Variants in EXD3 observed in about 807,000 individuals in gnomAD.
EXD3 encodes exonuclease 3'-5' domain containing 3, also known as exonuclease mut-7 homolog.
A neutral mutation model predicts 98.0 loss-of-function variants in EXD3; 92 were observed. The ratio of observed to expected loss-of-function variants is 0.94; its 90% confidence interval spans 0.79 to 1.12. EXD3 has a LOEUF of 1.12. Ranked by LOEUF, EXD3 falls within the 50% of genes most tolerant of loss-of-function variation. EXD3 has a pLI of 0.00. For synonymous variants in EXD3, 569 were observed against 526.0 expected (o/e 1.08, Z -1.12); for missense variants, 1,222 against 1,191.6 (o/e 1.03, Z -0.38).
rs533846340 is a variant in EXD3 at position 137,360,004 on chromosome 9, T to C, written c.657-3636A>G. 2.3e-5 allele frequency among the ~76,000 whole-genome samples: 2 copies of C among 87,294 alleles called. 1 individual carries two copies. Among genetic ancestry groups the C allele is most frequent in the Non-Finnish European group, 5.7e-5 (2 of 35,356 alleles). 57.3% of individuals were successfully genotyped at this position (87,294 alleles called of 152,430 possible). A position where few individuals can be genotyped will look rare whatever the true frequency, so the allele number is the denominator to read the frequency against. On this transcript the variant is annotated intron_variant, in intron 7 of 21. Transcript: ENST00000340951. ...TAATTTTCTGAAGTGTCTGCACCAG[T>C]GCACATCCCACCAGCAGTGCGTGAG...
At chr9:137,334,441 C>T (rs1833252580) in intron 17 of EXD3, among the ~76,000 whole-genome samples, 1 of 152,142 alleles carries the variant, frequency 6.6e-6, no homozygotes, top group Non-Finnish European at 1.5e-5. Context: ...TACTTACAAT[C>T]AACGGATCTT....
rs983053786 is a variant in EXD3 at position 137,361,406 on chromosome 9, T to C, written c.657-5038A>G. On this transcript the variant is annotated intron_variant, in intron 7 of 21. Coordinates refer to ENST00000340951, the MANE Select transcript of EXD3 (RefSeq NM_017820.5). The stretch of plus-strand genomic sequence containing the variant: ...ACCCAGAGTTTTAAAAGCTTCCTAA[T>C]TGGCGGGGCATTGACTATAGTTCTA... Among the ~76,000 whole-genome samples, 2 of 85,826 alleles carry C rather than the reference T, an allele frequency of 2.3e-5. 1 individual carries two copies. The highest frequency in any genetic ancestry group is 5.7e-5 in the Non-Finnish European group (2 of 34,932). The allele number at this position is 85,826 out of a possible 152,430, so 56.3% of individuals were successfully genotyped here.
At chr9:137,357,893 G>A (rs545293352) in intron 7 of EXD3, among the ~76,000 whole-genome samples, 51 of 152,066 alleles carry the variant, frequency 3.4e-4, no homozygotes, top group African/African-American at 9.6e-4. Flanking sequence ...GGCAGGAGAC[G>A]TCCAGCATGG....
chr9:137,403,773 C>T lies in EXD3; in HGVS notation c.-47-8369G>A, dbSNP rs548055082. Among the ~76,000 whole-genome samples, 2 of 152,290 alleles carry T rather than the reference C, an allele frequency of 1.3e-5. No homozygotes were observed. The highest frequency in any genetic ancestry group is 3.9e-4 in the East Asian group (2 of 5,176). ...AAGGGCTCCAGAAAGTGGTCGCTGC[C>T]CTTCTCAGAAGGCCCTCTCCACCAT... On this transcript the variant is annotated intron_variant, in intron 1 of 21. Coordinates refer to ENST00000340951, the MANE Select transcript of EXD3 (RefSeq NM_017820.5). This position sits in a 1 kb window ranked among gnomAD's most constrained non-coding sequence, Gnocchi z 6.1.
At chr9:137,315,576 A>C (rs966347743) in intron 19 of EXD3, among the ~76,000 whole-genome samples, 1 of 152,040 alleles carries the variant, frequency 6.6e-6, no homozygotes, top group Admixed American at 6.5e-5. Context: ...AGGCCCCGGC[A>C]CCGGGTCTCC....
In EXD3 at chr9:137,364,557, G is replaced by A. The variant is rs573849929; in HGVS notation, c.656+1936C>T. On this transcript the variant is annotated intron_variant, in intron 7 of 21. Transcript: ENST00000340951. ...GAATCACTTGAACCCGGGAGGTGAA[G>A]GTTGCAGTGAGCCTAGATTGCGCCA... Among the ~76,000 whole-genome samples the A allele has an allele frequency of 4.2e-3, 645 of 151,828 alleles. 12 individuals are homozygous for A. The highest frequency in any genetic ancestry group is 0.015 in the African/African-American group (618 of 41,356).
At chr9:137,390,789 T>TGGGCCTGGGCAGGCGCC (rs1314973013) in intron 2 of EXD3, among the ~76,000 whole-genome samples, 2 of 152,098 alleles carry the variant, frequency 1.3e-5, no homozygotes, top group Non-Finnish European at 2.9e-5. Flanking sequence ...CACTGCCAGC[T>TGGGCCTGGGCAGGCGCC]GGGCCTGGGC....
intron 17 of EXD3, among the ~76,000 whole-genome samples, chr9:137,342,909 C>T (rs575679051): frequency 5.3e-5 from 8 of 152,240 alleles, no homozygotes; most frequent in South Asian, 2.1e-4. Context: ...ATTACAAGGT[C>T]GGGAGATCGA....
chr9:137,322,445 G>C (rs1368367225), intron 19 of EXD3, among the ~76,000 whole-genome samples: 1 of 141,178 alleles, frequency 7.1e-6, no homozygotes, highest in African/African-American at 2.7e-5. Flanking sequence ...CCTCACCCCG[G>C]ACCCACGAGG....
intron 17 of EXD3, among the ~76,000 whole-genome samples, chr9:137,339,550 G>A (rs1403524515): frequency 6.7e-6 from 1 of 150,032 alleles, no homozygotes; most frequent in Non-Finnish European, 1.5e-5. Flanking sequence ...GTATTAAGAA[G>A]GGTAATATGC....
chr9:137,349,401 C>T lies in EXD3; in HGVS notation c.1625G>A (p.Arg542Lys). ...KTQQLSNWDR[R>K]PLCEEQVIYA... is the part of the protein sequence containing the mutation. ...GATGACCTGCTCCTCGCAGAGCGGC[C>T]TCCGGTCCCAGTTGGACAGCTGCTG... is the stretch of plus-strand genomic sequence containing the variant. Residue 542 changes from arginine to lysine, a missense_variant, in exon 15 of 22, where the codon AGG (arginine) becomes AAG (lysine). Physicochemically the swap from Arg to Lys is conservative, Grantham distance 26. Transcript: ENST00000340951. This position sits in a 1 kb window ranked among gnomAD's most constrained non-coding sequence, Gnocchi z 7.4. 1.3e-6 allele frequency: 2 copies of T among 1,596,616 alleles called. No homozygotes were observed. Among genetic ancestry groups the T allele is most frequent in the Non-Finnish European group, 1.7e-6 (2 of 1,176,260 alleles).
rs976844850 is a variant in EXD3, at chr9:137,373,144, G to T, written c.295-72C>A. ...TGGGCCATGGGGCCGATTGAGGCAG[G>T]CCTGGCTTAGGAAGCAGCGCCTGCC... On this transcript the variant is annotated intron_variant, in intron 4 of 21. Coordinates refer to ENST00000340951, the MANE Select transcript of EXD3 (RefSeq NM_017820.5). 3.4e-6 allele frequency: 5 copies of T among 1,482,618 alleles called. No individual in the cohort carries two copies. In the South Asian group the frequency reaches 4.0e-5, roughly 12 times the overall value. 91.8% of individuals were successfully genotyped at this position (1,482,618 alleles called of 1,614,324 possible). A position where few individuals can be genotyped will look rare whatever the true frequency, so the allele number is the denominator to read the frequency against.
rs553369085 is a variant in EXD3, at chr9:137,309,975, A to G, written c.2185-275T>C. ...GACTCTCTGCCCAGCTGCCCTCTCC[A>G]ATCCCAGAGCCCTCGAGGGCAGAAC... On this transcript the variant is annotated intron_variant, in intron 19 of 21. Coordinates refer to ENST00000340951, the MANE Select transcript of EXD3 (RefSeq NM_017820.5). Among the ~76,000 whole-genome samples the G allele has an allele frequency of 9.8e-5, 15 of 152,306 alleles. No individual in the cohort carries two copies. The South Asian group carries it at 2.9e-3, about 29-fold the overall frequency.
At chr9:137,318,012 C>T (rs1216806121) in intron 19 of EXD3, among the ~76,000 whole-genome samples, 1 of 152,022 alleles carries the variant, frequency 6.6e-6, no homozygotes, top group African/African-American at 2.4e-5. Context: ...TGCACCTCTT[C>T]CTGTCTGTCC....
At chr9:137,330,836 T>G (rs1189965932) in intron 17 of EXD3, among the ~76,000 whole-genome samples, 1 of 152,180 alleles carries the variant, frequency 6.6e-6, no homozygotes, top group African/African-American at 2.4e-5. Context: ...ACGAAGGAGT[T>G]TGTCATTTCC....
At chr9:137,410,302 T>C (rs1295664450) in intron 1 of EXD3, among the ~76,000 whole-genome samples, 2 of 151,828 alleles carry the variant, frequency 1.3e-5, no homozygotes, top group Non-Finnish European at 2.9e-5. Context: ...CTGGCCAACA[T>C]GGTGAAATCC....
At chr9:137,411,315 C>G (rs774269540) in intron 1 of EXD3, among the ~76,000 whole-genome samples, 10 of 152,148 alleles carry the variant, frequency 6.6e-5, no homozygotes, top group Non-Finnish European at 1.5e-4. Context: ...GGCACAGCTG[C>G]CCCCGAGCCC....
chr9:137,370,920 G>A (rs1279542570), intron 5 of EXD3, among the ~76,000 whole-genome samples: 1 of 151,892 alleles, frequency 6.6e-6, no homozygotes, highest in Non-Finnish European at 1.5e-5. Context: ...CGCTGCCCTC[G>A]ACATGAAATA....
At position 137,403,991 on chromosome 9, in the gene EXD3, G is replaced by A. The variant is rs537556375; in HGVS notation, c.-47-8587C>T. On this transcript the variant is annotated intron_variant, in intron 1 of 21. Transcript: ENST00000340951. This position sits in a 1 kb window ranked among gnomAD's most constrained non-coding sequence, Gnocchi z 6.1. ...CACACAGGGCGCGAGTGACAGGGACGTGTGTCCTCACTGTCCCGAGGCTGC... is the reference window on the plus strand; with the variant it reads ...CACACAGGGCGCGAGTGACAGGGACATGTGTCCTCACTGTCCCGAGGCTGC... 1.3e-4 allele frequency among the ~76,000 whole-genome samples: 20 copies of A among 151,890 alleles called. No individual in the cohort carries two copies. Among genetic ancestry groups the A allele is most frequent in the African/African-American group, 1.4e-4 (6 of 41,456 alleles).
Sources: allele counts gnomAD v4.1 joint callset (sites outside exome capture counted in the v4.1 genomes callset), GRCh38; gene constraint gnomAD v4.1.1; non-coding constraint Gnocchi (gnomAD v3.1); transcripts MANE v1.5; gene names NCBI Gene and HGNC (gene_info 2026-07-23, HGNC 2026-07-21).